The following AASS variants were observed in gnomAD, a reference collection of about 807,000 sequenced individuals.
The protein encoded by AASS is aminoadipate-semialdehyde synthase.
Under a neutral mutation model 105.4 loss-of-function variants are expected in AASS, and 86 were observed. That is an observed-to-expected ratio of 0.82 (90% confidence interval 0.69 to 0.98). The LOEUF (loss-of-function observed/expected upper bound fraction) is 0.98, where lower values mean the gene tolerates loss of function less well. Among genes scored for constraint, AASS ranks in the 50% least tolerant of loss-of-function variants. The probability of loss-of-function intolerance (pLI) is 0.00; values close to 1 mark genes in which losing one functional copy is unlikely to be tolerated. For missense variants in AASS, 1,048 were observed against 1,143.2 expected (o/e 0.92, Z 1.20); for synonymous variants, 381 against 394.8 (o/e 0.96, Z 0.41).
At chr7:122,113,898 T>C (rs1215214698) in intron 9 of AASS, among the ~76,000 whole-genome samples, 178 bp from the exon 10 acceptor site, 2 of 141,680 alleles carry the variant, frequency 1.4e-5, no homozygotes, top group Non-Finnish European at 3.0e-5. Flanking sequence ...ATACAGAGAA[T>C]CTTCCCAGTA....
In AASS at chr7:122,075,482, A is replaced by G. The variant is rs1792957257; in HGVS notation, c.*1007T>C. ...GTACAAGTTGAATAGAAATGGCCAA[A>G]GCAGACATCCTTGTCTTGTTTCTGA... On this transcript the variant is annotated 3_prime_UTR_variant, in exon 24 of 24. Coordinates refer to ENST00000417368, the MANE Select transcript of AASS (RefSeq NM_005763.4). Among the ~76,000 whole-genome samples the G allele has an allele frequency of 6.6e-6, 1 of 152,230 alleles. No homozygotes were observed. The highest frequency in any genetic ancestry group is 2.4e-5 in the African/African-American group (1 of 41,454).
intron 4 of AASS, among the ~76,000 whole-genome samples, chr7:122,122,859 G>A (rs752146190): frequency 1.6e-4 from 24 of 152,134 alleles, no homozygotes; most frequent in Non-Finnish European, 3.4e-4. Flanking sequence ...TTTAAAACGT[G>A]AACATACTGA....
intron 11 of AASS, among the ~76,000 whole-genome samples, chr7:122,106,511 C>T (rs951338478): frequency 6.6e-6 from 1 of 151,790 alleles, no homozygotes; most frequent in Admixed American, 6.6e-5. Context: ...AACTATATTA[C>T]AGGGCTACAG....
chr7:122,078,103 A>C (rs1003460814), intron 22 of AASS, 89 bp from the exon 23 acceptor site: 1 of 1,289,978 alleles, frequency 7.8e-7, no homozygotes, highest in African/African-American at 1.5e-5. Context: ...TGGTCTTAAA[A>C]GTTTTCCCTC....
In AASS at chr7:122,126,362, C is replaced by A. The variant is rs772586650; in HGVS notation, c.472+13G>T. On this transcript the variant is annotated intron_variant, in intron 4 of 23. Coordinates refer to ENST00000417368, the MANE Select transcript of AASS (RefSeq NM_005763.4). ...ATTTAGGAAGTGGGTGATGTAAGCC[C>A]TGGCATACTTACCTGCCACACCAGC... 1.6e-5 allele frequency: 25 copies of A among 1,610,564 alleles called. No homozygotes were observed. The highest frequency in any genetic ancestry group is 1.1e-5 in the Non-Finnish European group (13 of 1,176,950).
rs1795186033 is a variant in AASS, at chr7:122,116,549, A to G, written c.894+84T>C. ...CAACAGGAAAACTGAAAGCCATTGT[A>G]CAATTCATAATTTCTCTCCTTGAAA... On this transcript the variant is annotated intron_variant, in intron 8 of 23. Coordinates refer to ENST00000417368, the MANE Select transcript of AASS (RefSeq NM_005763.4). The G allele has an allele frequency of 1.9e-6, 3 of 1,560,148 alleles. No individual in the cohort carries two copies. The South Asian group carries it at 3.3e-5, about 17-fold the overall frequency.
In AASS at chr7:122,076,451, T is replaced by A; in HGVS notation, c.*38A>T. The A allele has an allele frequency of 1.5e-6, 2 of 1,323,614 alleles. No individual in the cohort carries two copies. Among genetic ancestry groups the A allele is most frequent in the Non-Finnish European group, 2.2e-6 (2 of 915,386 alleles). 82.0% of individuals were successfully genotyped at this position (1,323,614 alleles called of 1,614,324 possible). ...TTTATCACACACATGTTCAGAGGTG[T>A]ATTGCCTGGGAAGAAAAAAACAAAA... On this transcript the variant is annotated 3_prime_UTR_variant, in exon 24 of 24. Coordinates refer to ENST00000417368, the MANE Select transcript of AASS (RefSeq NM_005763.4).
chr7:122,101,302 T>C (rs1794420047), intron 13 of AASS, 69 bp downstream of exon 13: 1 of 1,258,436 alleles, frequency 7.9e-7, no homozygotes, highest in African/African-American at 1.5e-5. Flanking sequence ...CATTGAAGCA[T>C]TAAAAAATAC....
chr7:122,090,847 G>A (rs1348943250), intron 18 of AASS, among the ~76,000 whole-genome samples: 2 of 151,956 alleles, frequency 1.3e-5, no homozygotes, highest in East Asian at 1.9e-4. Context: ...GTCATACCAT[G>A]AGTGCTAACA....
chr7:122,075,303 A>G lies in AASS; in HGVS notation c.*1186T>C, dbSNP rs1427176039. 6.6e-6 allele frequency among the ~76,000 whole-genome samples: 1 copy of G among 152,246 alleles called. No individual in the cohort carries two copies. The highest frequency in any genetic ancestry group is 1.5e-5 in the Non-Finnish European group (1 of 68,044). ...CTTTGCTGAATTTATTTATTAATAAATCATGCCTTTGGATTTTCTATAGTT... is the reference window on the plus strand; with the variant it reads ...CTTTGCTGAATTTATTTATTAATAAGTCATGCCTTTGGATTTTCTATAGTT... On this transcript the variant is annotated 3_prime_UTR_variant, in exon 24 of 24. Coordinates refer to ENST00000417368, the MANE Select transcript of AASS (RefSeq NM_005763.4).
At chr7:122,117,487 C>T (rs991722394) in intron 6 of AASS, among the ~76,000 whole-genome samples, 17 of 152,048 alleles carry the variant, frequency 1.1e-4, no homozygotes, top group Admixed American at 1.1e-3. Context: ...TTCCTAACAT[C>T]TTGTTTGCAA....
chr7:122,121,131 C>T (rs1463957490), intron 4 of AASS, among the ~76,000 whole-genome samples: 2 of 151,916 alleles, frequency 1.3e-5, no homozygotes, highest in Non-Finnish European at 2.9e-5. Flanking sequence ...ATGAATTTTA[C>T]ATCCATTATT....
At position 122,116,646 on chromosome 7, in the gene AASS, C is replaced by T. The variant is rs370266183; in HGVS notation, c.881G>A (p.Arg294His). The change falls in exon 8 of 24, where the codon CGT becomes CAT. Residue 294 changes from arginine (R) to histidine (H), a missense_variant. By Grantham distance (29) the Arg-to-His change is conservative (BLOSUM62 0). Transcript: ENST00000417368. ...TATGATACTCACATCAGTATTAAAA[C>T]GACTTATGTAGCGCTCCGGATGTTT... ...YDKHPERYIS[R>H]FNTDIAPYTT... 24 of 1,613,904 alleles carry T rather than the reference C, an allele frequency of 1.5e-5. No homozygotes were observed. The highest frequency in any genetic ancestry group is 2.2e-5 in the South Asian group (2 of 91,088).
intron 13 of AASS, among the ~76,000 whole-genome samples, chr7:122,100,936 T>C (rs1794395415): frequency 6.6e-6 from 1 of 151,854 alleles, no homozygotes; most frequent in African/African-American, 2.4e-5. Flanking sequence ...TAACCACGAA[T>C]TCACTTCCCT....
chr7:122,117,011 TG>T, intron 6 of AASS, 54 bp from the exon 7 acceptor site: 1 of 1,484,538 alleles, frequency 6.7e-7, no homozygotes, highest in Non-Finnish European at 9.4e-7. Context: ...AGAACCAACA[TG>T]GTTTTCTGCA....
At chr7:122,104,745 G>A (rs1794588128) in intron 11 of AASS, among the ~76,000 whole-genome samples, 1 of 152,098 alleles carries the variant, frequency 6.6e-6, no homozygotes, top group East Asian at 1.9e-4. Flanking sequence ...TGGACACAAA[G>A]AAGGGAACAA....
chr7:122,095,693 C>A (rs1794119543), intron 15 of AASS, among the ~76,000 whole-genome samples: 1 of 151,566 alleles, frequency 6.6e-6, no homozygotes, highest in African/African-American at 2.4e-5. Flanking sequence ...TTGTGTATGT[C>A]TTTTATCAGT....
At chr7:122,110,799 A>T (rs1382049541) in intron 11 of AASS, among the ~76,000 whole-genome samples, 1 of 151,784 alleles carries the variant, frequency 6.6e-6, no homozygotes, top group African/African-American at 2.4e-5. Context: ...CACAACCCCA[A>T]ATGTCTACCA....
intron 4 of AASS, 29 bp from the exon 5 acceptor site, chr7:122,118,659 C>A (rs1562981382): frequency 6.2e-7 from 1 of 1,607,330 alleles, no homozygotes; most frequent in East Asian, 2.2e-5. Flanking sequence ...AATAGAAAGA[C>A]TATTAGTTGG....
Sources: allele counts gnomAD v4.1 joint callset (sites outside exome capture counted in the v4.1 genomes callset), GRCh38; gene constraint gnomAD v4.1.1; transcripts MANE v1.5; gene names NCBI Gene and HGNC (gene_info 2026-07-23, HGNC 2026-07-21).